The following SDK1 variants were observed in gnomAD, a reference collection of about 807,000 sequenced individuals.
SDK1 encodes the protein protein sidekick-1.
In SDK1, 157 loss-of-function variants were observed where a neutral mutation model predicts 245.5. That is an observed-to-expected ratio of 0.64 (90% CI 0.56 to 0.73). SDK1 has a LOEUF of 0.73. SDK1 is among the 30% of genes least tolerant of loss of function. SDK1 has a pLI of 0.00. For synonymous variants in SDK1, 1,647 were observed against 1,278.5 expected, an observed-to-expected ratio of 1.29 and a Z score of -6.15; for missense variants, 3,583 against 3,002.3, an observed-to-expected ratio of 1.19 and a Z score of -4.52.
At chr7:3,316,364 A>T (rs1014749205) in intron 1 of SDK1, among the ~76,000 whole-genome samples, 1 of 152,168 alleles carries the variant, frequency 6.6e-6, no homozygotes, top group African/African-American at 2.4e-5. Context: ...CATGCTGCAC[A>T]GGTTTGTAGC....
At chr7:4,137,192 G>A (rs1273681236) in intron 28 of SDK1, among the ~76,000 whole-genome samples, 1 of 152,244 alleles carries the variant, frequency 6.6e-6, no homozygotes, top group African/African-American at 2.4e-5. Flanking sequence ...CTACTCAGGG[G>A]GCTGAGGCAT....
chr7:4,068,182 C>T (rs977255273), intron 20 of SDK1, among the ~76,000 whole-genome samples: 3 of 152,184 alleles, frequency 2.0e-5, no homozygotes, highest in African/African-American at 7.2e-5. Context: ...GTTCTCCTCG[C>T]ATGATCTTAG....
chr7:3,418,204 C>G (rs574230326), intron 1 of SDK1, among the ~76,000 whole-genome samples: 11 of 148,372 alleles, frequency 7.4e-5, no homozygotes, highest in African/African-American at 2.3e-4. Context: ...GTAATCCCAG[C>G]TACATGGGAG....
chr7:3,467,029 C>CACACACACAGAGAG (rs1288513856), intron 1 of SDK1, among the ~76,000 whole-genome samples: 2 of 137,556 alleles, frequency 1.5e-5, no homozygotes, highest in African/African-American at 5.3e-5. Context: ...CACACACACA[C>CACACACACAGAGAG]AGAGATGTAA....
chr7:3,969,478 C>T (rs980956589), intron 11 of SDK1, 54 bp downstream of exon 11: 41 of 1,387,218 alleles, frequency 3.0e-5, no homozygotes, highest in East Asian at 7.8e-5. Flanking sequence ...TTAATCATCA[C>T]GTCATCGTGT....
chr7:3,707,620 TTGTC>T (rs1270353044), intron 4 of SDK1, among the ~76,000 whole-genome samples: 21 of 152,280 alleles, frequency 1.4e-4, no homozygotes, highest in African/African-American at 4.6e-4. Context: ...TCTCTCTTGA[TTGTC>T]TGTCTGGTGC....
Position 3,541,393 on chromosome 7 carries a change from T to C in SDK1, c.299-77687T>C, listed in dbSNP as rs966622082. ...CGTAATCTAAGCCATACGCTGGTCA[T>C]TGGGTGGACTTCCATGCCTCTATGC... On this transcript the variant is annotated intron_variant, in intron 1 of 44. Coordinates refer to ENST00000404826, the MANE Select transcript of SDK1 (RefSeq NM_152744.4). Among the ~76,000 whole-genome samples, 6 of 152,228 alleles carry C rather than the reference T, an allele frequency of 3.9e-5. 1 individual carries two copies. The highest frequency in any genetic ancestry group is 2.6e-4 in the Admixed American group (4 of 15,288).
intron 1 of SDK1, among the ~76,000 whole-genome samples, chr7:3,558,016 GT>G (rs1295655434): frequency 1.9e-5 from 2 of 107,340 alleles, no homozygotes; most frequent in Non-Finnish European, 3.8e-5. Context: ...CCCCGACCCT[GT>G]TCCTGTCTCA....
chr7:4,158,396 G>A (rs2128211305), intron 30 of SDK1, 52 bp from the exon 31 acceptor site: 2 of 1,441,390 alleles, frequency 1.4e-6, no homozygotes, highest in Admixed American at 3.4e-5. Context: ...AATGCCTGAG[G>A]GCAGGACAGG....
Position 3,797,113 on chromosome 7 carries a change from C to G in SDK1, c.714-24337C>G, listed in dbSNP as rs553928444. ...CCTTGACCTCCTGGCCTCAAGTGATCCTACTGCCTCAGTCTCACAAGTACC... is the reference window on the plus strand; with the variant it reads ...CCTTGACCTCCTGGCCTCAAGTGATGCTACTGCCTCAGTCTCACAAGTACC... On this transcript the variant is annotated intron_variant, in intron 4 of 44. Coordinates refer to ENST00000404826, the MANE Select transcript of SDK1 (RefSeq NM_152744.4). Among the ~76,000 whole-genome samples, 446 of 151,752 alleles carry G rather than the reference C, an allele frequency of 2.9e-3. 2 individuals are homozygous for G. Among genetic ancestry groups the G allele is most frequent in the African/African-American group, 0.011 (435 of 41,360 alleles).
intron 19 of SDK1, among the ~76,000 whole-genome samples, chr7:4,066,772 G>A (rs970124678): frequency 2.0e-5 from 3 of 152,210 alleles, no homozygotes; most frequent in African/African-American, 4.8e-5. Context: ...CCTGCTGTCC[G>A]GCCAGCAGCG....
chr7:4,039,464 C>T (rs1490771297), intron 17 of SDK1, among the ~76,000 whole-genome samples: 1 of 152,040 alleles, frequency 6.6e-6, no homozygotes, highest in African/African-American at 2.4e-5. Flanking sequence ...ATTAACTTTT[C>T]AAGATATTTT....
chr7:3,805,380 A>G lies in SDK1; in HGVS notation c.714-16070A>G, dbSNP rs544931912. ...CTTGAATGCCTTTGTATTGATGCTCAAATTGCCCCTTTCTTGGGTAGCGGG... is the reference window on the plus strand; with the variant it reads ...CTTGAATGCCTTTGTATTGATGCTCGAATTGCCCCTTTCTTGGGTAGCGGG... On this transcript the variant is annotated intron_variant, in intron 4 of 44. Coordinates refer to ENST00000404826, the MANE Select transcript of SDK1 (RefSeq NM_152744.4). 2.0e-5 allele frequency among the ~76,000 whole-genome samples: 3 copies of G among 152,324 alleles called. No individual in the cohort carries two copies. In the South Asian group the frequency reaches 6.2e-4, roughly 32 times the overall value.
intron 4 of SDK1, among the ~76,000 whole-genome samples, chr7:3,797,286 A>G (rs1347775046): frequency 3.9e-5 from 6 of 152,094 alleles, no homozygotes; most frequent in Non-Finnish European, 5.9e-5. Context: ...CCCGTCCCAT[A>G]TATACCTTTT....
chr7:3,509,295 A>G lies in SDK1; in HGVS notation c.299-109785A>G, dbSNP rs73671879. Among the ~76,000 whole-genome samples the G allele has an allele frequency of 5.4e-3, 824 of 152,236 alleles. 6 individuals carry two copies. Among genetic ancestry groups the G allele is most frequent in the African/African-American group, 0.019 (790 of 41,544 alleles). ...TGTTTGTGCTGGATTTCTAATATTCATGATAGGAGCTTCTCAACCTAATCC... is the reference window on the plus strand; with the variant it reads ...TGTTTGTGCTGGATTTCTAATATTCGTGATAGGAGCTTCTCAACCTAATCC... On this transcript the variant is annotated intron_variant, in intron 1 of 44. Transcript: ENST00000404826.
At chr7:3,631,754 G>T (rs1175358761) in intron 2 of SDK1, among the ~76,000 whole-genome samples, 3 of 152,184 alleles carry the variant, frequency 2.0e-5, no homozygotes, top group Non-Finnish European at 4.4e-5. Context: ...TTTGGATTTA[G>T]ATAATTATTG....
rs190019922 is a variant in SDK1, at chr7:3,416,324, G to A, written c.298+114440G>A. Among the ~76,000 whole-genome samples, 611 of 152,196 alleles carry A rather than the reference G, an allele frequency of 4.0e-3. 5 individuals are homozygous for A. The highest frequency in any genetic ancestry group is 0.014 in the African/African-American group (580 of 41,520). ...CACTTTTTTGTGTTCAGATAGTGGAGAACTGTGCTCCCGTTCTAGGGCCCT... is the reference window on the plus strand; with the variant it reads ...CACTTTTTTGTGTTCAGATAGTGGAAAACTGTGCTCCCGTTCTAGGGCCCT... On this transcript the variant is annotated intron_variant, in intron 1 of 44. Coordinates refer to ENST00000404826, the MANE Select transcript of SDK1 (RefSeq NM_152744.4).
At chr7:3,632,356 C>T (rs775342942) in intron 2 of SDK1, among the ~76,000 whole-genome samples, 27 of 152,176 alleles carry the variant, frequency 1.8e-4, no homozygotes, top group Non-Finnish European at 3.1e-4. Flanking sequence ...GAGGAGGAGT[C>T]TTGGGAACAT....
At chr7:3,385,664 G>GC in intron 1 of SDK1, among the ~76,000 whole-genome samples, 1 of 151,912 alleles carries the variant, frequency 6.6e-6, no homozygotes, top group Non-Finnish European at 1.5e-5. Context: ...CCAAAATACA[G>GC]CCCCCGTATG....
Sources: allele counts gnomAD v4.1 joint callset (sites outside exome capture counted in the v4.1 genomes callset), GRCh38; gene constraint gnomAD v4.1.1; transcripts MANE v1.5; gene names NCBI Gene and HGNC (gene_info 2026-07-23, HGNC 2026-07-21).